The following NUP210 variants were observed in gnomAD, a reference collection of about 807,000 sequenced individuals.
NUP210 encodes the protein nucleoporin 210.
NUP210 carries 151 observed loss-of-function variants against 196.0 expected under a neutral mutation model. The observed-to-expected ratio is 0.77, with a 90% confidence interval of 0.67 to 0.88. The LOEUF is 0.88. Ranked by LOEUF, NUP210 falls within the 40% of genes least tolerant of loss-of-function variation. The pLI, the probability that NUP210 is intolerant of heterozygous loss-of-function variation, is 0.00. For synonymous variants in NUP210, 1,070 were observed against 1,052.7 expected (o/e 1.02, Z -0.32); for missense variants, 2,314 against 2,493.7 (o/e 0.93, Z 1.53).
chr3:13,342,826 T>A (rs1316294825), intron 21 of NUP210, among the ~76,000 whole-genome samples: 1 of 152,216 alleles, frequency 6.6e-6, no homozygotes, highest in Non-Finnish European at 1.5e-5. Flanking sequence ...CCAAAACCTA[T>A]ATTCTGGGAA....
At chr3:13,382,983 TA>T (rs969342305) in intron 6 of NUP210, among the ~76,000 whole-genome samples, 115 of 146,150 alleles carry the variant, frequency 7.9e-4, no homozygotes, top group Middle Eastern at 3.5e-3. Flanking sequence ...GCATCTCTAT[TA>T]AAAAAAAAAA....
At chr3:13,412,234 T>TC (rs1700199652) in intron 1 of NUP210, among the ~76,000 whole-genome samples, 2 of 128,192 alleles carry the variant, frequency 1.6e-5, no homozygotes, top group African/African-American at 7.6e-5. Flanking sequence ...TCCTTTTCTT[T>TC]TTTTTTTTTT....
At chr3:13,330,726 C>G in intron 29 of NUP210, 92 bp from the exon 30 acceptor site, 1 of 1,267,318 alleles carries the variant, frequency 7.9e-7, no homozygotes, top group African/African-American at 1.5e-5. Context: ...TCTGTGGCTC[C>G]TCATGCTCCT....
chr3:13,347,381 G>A lies in NUP210; in HGVS notation c.2836-4078C>T. Reference sequence around the variant, plus strand: ...TCCGCCTAGAGGACTTGATTGAAATGTAAAGAATCGTTGAAAAGAAGGAAA... The same window carrying A: ...TCCGCCTAGAGGACTTGATTGAAATATAAAGAATCGTTGAAAAGAAGGAAA... On this transcript the variant is annotated intron_variant, in intron 20 of 39. Transcript: ENST00000254508. The surrounding 1 kb of genome is among the most constrained non-coding windows in gnomAD (Gnocchi z 4.7). 1 of 957,194 alleles carries A rather than the reference G, an allele frequency of 1.0e-6. No homozygotes were observed. The allele number at this position is 957,194 out of a possible 1,614,324, so 59.3% of individuals were successfully genotyped here.
At chr3:13,364,629 G>A (rs974304073) in intron 14 of NUP210, among the ~76,000 whole-genome samples, 2 of 152,092 alleles carry the variant, frequency 1.3e-5, no homozygotes, top group African/African-American at 4.8e-5. Context: ...GGGAGTTCGG[G>A]ACCAGCCTCA....
rs1427468153 is a variant in NUP210 at position 13,319,276 on chromosome 3, G to A, written c.5433C>T (p.Phe1811=). Residue 1811 remains phenylalanine, a synonymous_variant, in exon 38 of 40, where the codon TTC becomes TTT. Coordinates refer to ENST00000254508, the MANE Select transcript of NUP210 (RefSeq NM_024923.4). Reference sequence around the variant, plus strand: ...CAGCCAACAGGGCGAAGAGCGTGAAGAACATGACCTGGTAGGAATCCAGGA... The same window carrying A: ...CAGCCAACAGGGCGAAGAGCGTGAAAAACATGACCTGGTAGGAATCCAGGA... ...QHFLDSYQVM[F]FTLFALLAGT... 1.2e-6 allele frequency: 2 copies of A among 1,613,266 alleles called. No homozygotes were observed. Among genetic ancestry groups the A allele is most frequent in the South Asian group, 2.2e-5 (2 of 90,808 alleles).
chr3:13,320,808 C>T (rs1283551448), intron 36 of NUP210, among the ~76,000 whole-genome samples: 1 of 150,434 alleles, frequency 6.6e-6, no homozygotes, highest in Admixed American at 6.7e-5. Flanking sequence ...AGGAGAATGG[C>T]ATGAACCTGG....
chr3:13,366,138 CT>C (rs752755656), intron 13 of NUP210, 47 bp from the exon 14 acceptor site: 38 of 1,584,114 alleles, frequency 2.4e-5, no homozygotes, highest in Admixed American at 5.2e-5. Flanking sequence ...TCACTTTTTT[CT>C]TTTTTTTGAG....
chr3:13,383,276 C>A (rs981698285), intron 6 of NUP210, among the ~76,000 whole-genome samples: 32 of 152,190 alleles, frequency 2.1e-4, no homozygotes, highest in African/African-American at 7.0e-4. Context: ...ACTGCAGTAG[C>A]ATCCAGTGCC....
chr3:13,385,245 A>C (rs1205427163), intron 6 of NUP210, among the ~76,000 whole-genome samples: 3 of 152,190 alleles, frequency 2.0e-5, no homozygotes, highest in African/African-American at 7.2e-5. Context: ...CTTATGCTGA[A>C]GTGTGTATCT....
chr3:13,338,807 T>A (rs1394698774), intron 25 of NUP210, among the ~76,000 whole-genome samples: 1 of 152,070 alleles, frequency 6.6e-6, no homozygotes, highest in Non-Finnish European at 1.5e-5. Context: ...CCAGGGCCTT[T>A]CCCCAGCACC....
intron 11 of NUP210, among the ~76,000 whole-genome samples, chr3:13,374,637 G>C (rs1383898045): frequency 2.6e-5 from 4 of 152,208 alleles, no homozygotes; most frequent in Non-Finnish European, 1.5e-5. Context: ...GCTCAGGCTG[G>C]AGTGGGACGA....
intron 16 of NUP210, among the ~76,000 whole-genome samples, chr3:13,356,034 C>A (rs1366835895): frequency 6.6e-6 from 1 of 152,212 alleles, no homozygotes; most frequent in African/African-American, 2.4e-5. Context: ...AGCCCAAGGA[C>A]CTCCCCTGAC....
chr3:13,330,730 T>A, intron 29 of NUP210, 96 bp from the exon 30 acceptor site: 1 of 1,244,170 alleles, frequency 8.0e-7, no homozygotes, highest in Non-Finnish European at 1.1e-6. Flanking sequence ...TGGCTCCTCA[T>A]GCTCCTGGGA....
chr3:13,364,390 C>G (rs572591899), intron 14 of NUP210, among the ~76,000 whole-genome samples: 5 of 152,176 alleles, frequency 3.3e-5, no homozygotes, highest in Non-Finnish European at 7.3e-5. Context: ...TATGTTTGCT[C>G]TGGAGGTCAG....
intron 13 of NUP210, among the ~76,000 whole-genome samples, chr3:13,370,510 G>A (rs1266002366): frequency 3.9e-5 from 6 of 152,166 alleles, no homozygotes; most frequent in Admixed American, 6.5e-5. Context: ...TCCTCCCGGG[G>A]ACCTGAGCCC....
chr3:13,401,413 C>T (rs1283825992), intron 1 of NUP210, among the ~76,000 whole-genome samples: 1 of 152,144 alleles, frequency 6.6e-6, no homozygotes, highest in African/African-American at 2.4e-5. Flanking sequence ...CACCACCTGG[C>T]CACAATGGGC....
chr3:13,397,656 C>A (rs1699706868), intron 2 of NUP210, among the ~76,000 whole-genome samples, 168 bp from the exon 3 acceptor site: 1 of 152,214 alleles, frequency 6.6e-6, no homozygotes, highest in Non-Finnish European at 1.5e-5. Context: ...TTAACAGGGA[C>A]TACCAGAAAG....
At chr3:13,398,479 G>C (rs1449504080) in intron 2 of NUP210, among the ~76,000 whole-genome samples, 1 of 152,042 alleles carries the variant, frequency 6.6e-6, no homozygotes, top group African/African-American at 2.4e-5. Flanking sequence ...GAAAAACTGG[G>C]AATTTATCTT....
Sources: allele counts gnomAD v4.1 joint callset (sites outside exome capture counted in the v4.1 genomes callset), GRCh38; gene constraint gnomAD v4.1.1; non-coding constraint Gnocchi (gnomAD v3.1); transcripts MANE v1.5; gene names NCBI Gene and HGNC (gene_info 2026-07-23, HGNC 2026-07-21).